LRRC4C: variants seen among roughly 807,000 people sequenced by gnomAD.
LRRC4C encodes the protein leucine rich repeat containing 4C.
In LRRC4C, 5 loss-of-function variants were observed where a neutral mutation model predicts 33.6. The ratio of observed to expected loss-of-function variants is 0.15; its 90% confidence interval spans 0.08 to 0.31. LRRC4C has a LOEUF of 0.31. LRRC4C is among the 10% of genes least tolerant of loss of function. The pLI is 1.00. For synonymous variants in LRRC4C, 329 were observed against 302.0 expected, an observed-to-expected ratio of 1.09 and a Z score of -0.93; for missense variants, 560 against 796.7, an observed-to-expected ratio of 0.70 and a Z score of 3.58.
intron 1 of LRRC4C, among the ~76,000 whole-genome samples, chr11:41,284,537 T>C (rs1251037671): frequency 1.3e-5 from 2 of 152,194 alleles, no homozygotes; most frequent in Non-Finnish European, 2.9e-5. Flanking sequence ...TAATTACCAC[T>C]GACGTCCACT....
chr11:40,698,021 T>C (rs1945663929), intron 2 of LRRC4C, among the ~76,000 whole-genome samples: 1 of 149,636 alleles, frequency 6.7e-6, no homozygotes. Context: ...TGAGCAGAGA[T>C]TGCACCACTG....
chr11:40,633,391 C>T (rs1466210307), intron 3 of LRRC4C, among the ~76,000 whole-genome samples: 3 of 124,530 alleles, frequency 2.4e-5, no homozygotes, highest in Admixed American at 8.0e-5. Context: ...TTCTTTCTTT[C>T]TTTCTTTTTT....
intron 5 of LRRC4C, among the ~76,000 whole-genome samples, chr11:40,195,754 AAAG>A (rs1040693189): frequency 2.6e-5 from 4 of 152,222 alleles, no homozygotes; most frequent in Non-Finnish European, 5.9e-5. Context: ...AAAAAAAAAA[AAAG>A]ATTTCCTTGA....
At chr11:41,129,503 T>C (rs559057048) in intron 1 of LRRC4C, among the ~76,000 whole-genome samples, 3 of 152,142 alleles carry the variant, frequency 2.0e-5, no homozygotes, top group South Asian at 4.1e-4. Flanking sequence ...GTCTTAATGT[T>C]ATAGTGCCTA....
chr11:40,168,154 A>G (rs7941042), intron 5 of LRRC4C, among the ~76,000 whole-genome samples: 1,542 of 152,318 alleles, frequency 0.01, 15 homozygotes, highest in Non-Finnish European at 0.014. Context: ...AATTGGAGAT[A>G]AAACTGTTTA....
At chr11:41,085,338 C>CA (rs201381697) in intron 1 of LRRC4C, among the ~76,000 whole-genome samples, 27 of 147,798 alleles carry the variant, frequency 1.8e-4, no homozygotes, top group Middle Eastern at 3.5e-3. Flanking sequence ...TGGGACCTTT[C>CA]AAAAAAAAAA....
In LRRC4C at chr11:40,266,903, G is replaced by A. The variant is rs376435372; in HGVS notation, c.-175-25305C>T. ...ACATAAAATTCACTTCCAGAAGTTT[G>A]GATTTCGGTGTATGTTTGTTCTAAA... is the stretch of plus-strand genomic sequence containing the variant. On this transcript the variant is annotated intron_variant, in intron 4 of 6. Transcript: ENST00000528697. 2.9e-4 allele frequency among the ~76,000 whole-genome samples: 44 copies of A among 152,126 alleles called. No homozygotes were observed. In the East Asian group the frequency reaches 8.1e-3, roughly 28 times the overall value.
intron 4 of LRRC4C, among the ~76,000 whole-genome samples, chr11:40,314,302 T>C (rs1237211945): frequency 6.6e-6 from 1 of 152,060 alleles, no homozygotes; most frequent in Non-Finnish European, 1.5e-5. Context: ...GAAAAAATGT[T>C]CATCCTCGCT....
chr11:40,596,295 G>A, intron 3 of LRRC4C, among the ~76,000 whole-genome samples: 1 of 152,096 alleles, frequency 6.6e-6, no homozygotes, highest in East Asian at 1.9e-4. Context: ...AAACCCAATA[G>A]TCTTTTTTCT....
chr11:41,117,507 A>T (rs1307800633), intron 1 of LRRC4C, among the ~76,000 whole-genome samples: 1 of 152,178 alleles, frequency 6.6e-6, no homozygotes, highest in East Asian at 1.9e-4. Flanking sequence ...TTATGTATGT[A>T]TGTAAAAAGT....
chr11:40,952,849 AACACACACACACACACACACAC>A lies in LRRC4C; in HGVS notation c.-495-19148_-495-19127del, dbSNP rs56684958. Among the ~76,000 whole-genome samples, 11 of 112,788 alleles carry A rather than the reference AACACACACACACACACACACAC, an allele frequency of 9.8e-5. No homozygotes were observed. In the East Asian group the frequency reaches 2.1e-3, roughly 22 times the overall value. The allele number at this position is 112,788 out of a possible 152,430, so 74.0% of individuals were successfully genotyped here. A position where few individuals can be genotyped will look rare whatever the true frequency, so the allele number is the denominator to read the frequency against. On this transcript the variant is annotated intron_variant, in intron 1 of 6. Coordinates refer to ENST00000528697, the MANE Select transcript of LRRC4C (RefSeq NM_001258419.2). ...TCACACACACCTCTGTCTATTTCCA[AACACACACACACACACACACAC>A]ACACACACACACACACACACACACA...
At chr11:40,443,338 A>G (rs566408807) in intron 3 of LRRC4C, among the ~76,000 whole-genome samples, 45 of 152,298 alleles carry the variant, frequency 3.0e-4, no homozygotes, top group Middle Eastern at 3.4e-3. Context: ...TTTCATTGCT[A>G]TTACAAATAT....
At chr11:41,269,659 A>G (rs1472775784) in intron 1 of LRRC4C, among the ~76,000 whole-genome samples, 2 of 152,074 alleles carry the variant, frequency 1.3e-5, no homozygotes, top group Non-Finnish European at 2.9e-5. Context: ...AGCTACTGAC[A>G]CACGCTGATT....
chr11:41,265,674 A>G (rs923690891), intron 1 of LRRC4C, among the ~76,000 whole-genome samples: 6 of 152,112 alleles, frequency 3.9e-5, no homozygotes, highest in African/African-American at 1.4e-4. Flanking sequence ...TCATCAGCAT[A>G]ATGGAATTCT....
chr11:40,152,675 C>G (rs922671150), intron 5 of LRRC4C, among the ~76,000 whole-genome samples: 1 of 152,048 alleles, frequency 6.6e-6, no homozygotes, highest in African/African-American at 2.4e-5. Flanking sequence ...AGCTTTCCCC[C>G]ACTTAGCTGA....
chr11:41,239,179 G>A (rs1011088632), intron 1 of LRRC4C, among the ~76,000 whole-genome samples: 1 of 149,894 alleles, frequency 6.7e-6, no homozygotes, highest in Non-Finnish European at 1.5e-5. Context: ...AAAATTAGCC[G>A]GGCATGGTGG....
intron 2 of LRRC4C, among the ~76,000 whole-genome samples, chr11:40,879,646 G>A (rs959255072): frequency 3.3e-5 from 5 of 152,058 alleles, no homozygotes; most frequent in African/African-American, 4.8e-5. Context: ...ACACACACAC[G>A]CACACCAAGA....
At chr11:40,419,783 C>T (rs1209291806) in intron 3 of LRRC4C, among the ~76,000 whole-genome samples, 2 of 152,188 alleles carry the variant, frequency 1.3e-5, no homozygotes, top group East Asian at 3.9e-4. Context: ...GCACAAGGGG[C>T]AGGTGCCATG....
chr11:40,177,217 T>G (rs1053925587), intron 5 of LRRC4C, among the ~76,000 whole-genome samples: 1 of 152,110 alleles, frequency 6.6e-6, no homozygotes, highest in African/African-American at 2.4e-5. Flanking sequence ...CCTCCCAAAG[T>G]GCTGGGATTA....
Sources: allele counts gnomAD v4.1 joint callset (sites outside exome capture counted in the v4.1 genomes callset), GRCh38; gene constraint gnomAD v4.1.1; transcripts MANE v1.5; gene names NCBI Gene and HGNC (gene_info 2026-07-23, HGNC 2026-07-21).